The following FRMD5 variants were observed in gnomAD, a reference collection of about 807,000 sequenced individuals.
The protein encoded by FRMD5 is FERM domain containing 5.
A neutral mutation model predicts 69.0 loss-of-function variants in FRMD5; 20 were observed. The observed-to-expected ratio is 0.29, with a 90% CI of 0.20 to 0.42. The LOEUF (loss-of-function observed/expected upper bound fraction) is 0.42. FRMD5 is among the 10% of genes least tolerant of loss of function. The pLI, the probability that FRMD5 is intolerant of heterozygous loss-of-function variation, is 1.00. For synonymous variants in FRMD5, 271 were observed against 260.1 expected (o/e 1.04, Z -0.40); for missense variants, 595 against 708.6 (o/e 0.84, Z 1.82).
At chr15:44,075,701 G>T (rs1027563923) in intron 1 of FRMD5, among the ~76,000 whole-genome samples, 1 of 152,066 alleles carries the variant, frequency 6.6e-6, no homozygotes, top group African/African-American at 2.4e-5. Context: ...TTCTATAGAC[G>T]TTCCACAGGA....
chr15:44,171,846 T>A (rs776828985), intron 1 of FRMD5, among the ~76,000 whole-genome samples: 3 of 152,164 alleles, frequency 2.0e-5, no homozygotes, highest in Non-Finnish European at 2.9e-5. Flanking sequence ...TCACTGTAAC[T>A]TCTGTCTCCC....
rs535792016 is a variant in FRMD5, at chr15:44,050,962, CT to C, written c.103-126654del. ...CATGAGTCACCGTGCCCAGCCTGGC[CT>C]TTTTTTCTTGAATTTAGAAAATATT... On this transcript the variant is annotated intron_variant, in intron 1 of 13. Transcript: ENST00000417257. Among the ~76,000 whole-genome samples the C allele has an allele frequency of 4.1e-3, 620 of 151,488 alleles. 6 individuals carry two copies. Among genetic ancestry groups the C allele is most frequent in the African/African-American group, 0.014 (598 of 41,316 alleles).
chr15:43,926,134 T>C (rs553295660), intron 1 of FRMD5, among the ~76,000 whole-genome samples: 1 of 152,334 alleles, frequency 6.6e-6, no homozygotes, highest in Admixed American at 6.5e-5. Flanking sequence ...TGCTAAAAGA[T>C]TTCACAAAAT....
intron 1 of FRMD5, among the ~76,000 whole-genome samples, chr15:43,938,104 G>A (rs539464655): frequency 3.3e-5 from 5 of 152,050 alleles, no homozygotes; most frequent in East Asian, 3.9e-4. Flanking sequence ...GGTGGCGGGC[G>A]CTTGTAGTCC....
At chr15:44,034,562 C>T (rs1159950345) in intron 1 of FRMD5, among the ~76,000 whole-genome samples, 1 of 152,178 alleles carries the variant, frequency 6.6e-6, no homozygotes. Flanking sequence ...AGCACATATT[C>T]CCTTTCATAC....
intron 1 of FRMD5, among the ~76,000 whole-genome samples, chr15:43,939,952 G>T (rs187238587): frequency 6.6e-6 from 1 of 152,174 alleles, no homozygotes; most frequent in African/African-American, 2.4e-5. Context: ...CAAGGCAGGC[G>T]GATCACCTTA....
At chr15:44,171,264 T>C (rs945221330) in intron 1 of FRMD5, among the ~76,000 whole-genome samples, 7 of 152,224 alleles carry the variant, frequency 4.6e-5, no homozygotes, top group Admixed American at 1.3e-4. Context: ...TGCTTAAAAA[T>C]ATGAAAGCTA....
chr15:44,155,782 C>T (rs547442520), intron 1 of FRMD5, among the ~76,000 whole-genome samples: 86 of 151,826 alleles, frequency 5.7e-4, no homozygotes, highest in African/African-American at 1.9e-3. Flanking sequence ...TTAATAGAGA[C>T]GGGATTTCAC....
At chr15:43,947,000 T>C (rs2089957856) in intron 1 of FRMD5, among the ~76,000 whole-genome samples, 1 of 152,198 alleles carries the variant, frequency 6.6e-6, no homozygotes, top group South Asian at 2.1e-4. Context: ...GCTGGAAAAG[T>C]ACAAGCTTTT....
intron 1 of FRMD5, among the ~76,000 whole-genome samples, chr15:44,080,643 T>C (rs1893960595): frequency 6.6e-6 from 1 of 152,106 alleles, no homozygotes; most frequent in Non-Finnish European, 1.5e-5. Context: ...TTATTGTTTG[T>C]ATACTTGTCT....
At chr15:43,913,526 A>G (rs1421536831) in intron 4 of FRMD5, among the ~76,000 whole-genome samples, 2 of 152,244 alleles carry the variant, frequency 1.3e-5, no homozygotes, top group African/African-American at 4.8e-5. Context: ...GTTGGTGGAA[A>G]TATATTCCAC....
intron 1 of FRMD5, among the ~76,000 whole-genome samples, chr15:43,956,666 T>G (rs1263755286): frequency 6.6e-6 from 1 of 152,214 alleles, no homozygotes; most frequent in African/African-American, 2.4e-5. Context: ...TGTTTCTTAA[T>G]CAACTTTGCA....
At chr15:43,964,726 T>A (rs1194708834) in intron 1 of FRMD5, among the ~76,000 whole-genome samples, 1 of 152,232 alleles carries the variant, frequency 6.6e-6, no homozygotes, top group Non-Finnish European at 1.5e-5. Context: ...TCTTGTGACC[T>A]TGCATTCTGC....
chr15:43,935,966 C>T (rs898006828), intron 1 of FRMD5, among the ~76,000 whole-genome samples: 13 of 152,152 alleles, frequency 8.5e-5, no homozygotes, highest in Non-Finnish European at 2.9e-5. Flanking sequence ...CAGAGACACG[C>T]GGTTTAGACA....
chr15:44,096,640 C>T (rs1595716186), intron 1 of FRMD5, among the ~76,000 whole-genome samples: 3 of 151,972 alleles, frequency 2.0e-5, no homozygotes, highest in South Asian at 2.1e-4. Context: ...TGACCTCAAG[C>T]GATCCACCCG....
intron 4 of FRMD5, among the ~76,000 whole-genome samples, chr15:43,915,927 C>G (rs897760427): frequency 2.0e-5 from 3 of 152,062 alleles, no homozygotes; most frequent in Non-Finnish European, 1.5e-5. Context: ...TGAGGCTGGG[C>G]CCGGTATCTC....
chr15:44,094,319 T>C (rs1566942821), intron 1 of FRMD5, among the ~76,000 whole-genome samples: 1 of 152,094 alleles, frequency 6.6e-6, no homozygotes, highest in Non-Finnish European at 1.5e-5. Flanking sequence ...CGGGCTGGCT[T>C]TCCATTTGTC....
rs551169712 is a variant in FRMD5 at position 44,143,748 on chromosome 15, AC to A, written c.102+51204del. On this transcript the variant is annotated intron_variant, in intron 1 of 13. Coordinates refer to ENST00000417257, the MANE Select transcript of FRMD5 (RefSeq NM_032892.5). Reference sequence around the variant, plus strand: ...AGACCATCCTGGCTAACGCGGTGAAACCCCGTCTCCACTAAAAATACAAAAA... The same window carrying A: ...AGACCATCCTGGCTAACGCGGTGAAACCCGTCTCCACTAAAAATACAAAAA... Among the ~76,000 whole-genome samples, 168 of 151,292 alleles carry A rather than the reference AC, an allele frequency of 1.1e-3. 3 individuals are homozygous for A. The highest frequency in any genetic ancestry group is 0.011 in the Admixed American group (164 of 15,108).
intron 1 of FRMD5, among the ~76,000 whole-genome samples, chr15:44,120,492 AG>A (rs1477239849): frequency 6.6e-6 from 1 of 151,992 alleles, no homozygotes; most frequent in Non-Finnish European, 1.5e-5. Context: ...TAGAAGGATA[AG>A]GAAGAATTCC....
Sources: allele counts gnomAD v4.1 joint callset (sites outside exome capture counted in the v4.1 genomes callset), GRCh38; gene constraint gnomAD v4.1.1; transcripts MANE v1.5; gene names NCBI Gene and HGNC (gene_info 2026-07-23, HGNC 2026-07-21).